The following RASAL2 variants were observed in gnomAD, a reference collection of about 807,000 sequenced individuals.
RASAL2 encodes RAS protein activator like 2.
Under a neutral mutation model 128.9 loss-of-function variants are expected in RASAL2, and 58 were observed. The ratio of observed to expected loss-of-function variants is 0.45; its 90% confidence interval spans 0.36 to 0.56. The LOEUF is 0.56. RASAL2 is among the 20% of genes least tolerant of loss of function. The pLI is 0.00. For synonymous variants in RASAL2, 561 were observed against 580.8 expected (o/e 0.97, Z 0.49); for missense variants, 1,360 against 1,601.6 (o/e 0.85, Z 2.57).
chr1:178,373,274 C>CTTTTTTTTTTTTTTTT (rs60835442), intron 3 of RASAL2, among the ~76,000 whole-genome samples: 3,099 of 58,260 alleles, frequency 0.053, 374 homozygotes, highest in East Asian at 0.07. Context: ...TGTTTCTTTC[C>CTTTTTTTTTTTTTTTT]TTTTTTTTTT....
intron 1 of RASAL2, among the ~76,000 whole-genome samples, chr1:178,096,942 G>GAAAACTTTGAAGTA (rs1270762230): frequency 6.6e-6 from 1 of 152,138 alleles, no homozygotes; most frequent in Non-Finnish European, 1.5e-5. Context: ...GTGTATGTTT[G>GAAAACTTTGAAGTA]AAAACTTTGA....
In RASAL2 at chr1:178,473,405, G is replaced by A; in HGVS notation, c.*166G>A. 1 of 835,166 alleles carries A rather than the reference G, an allele frequency of 1.2e-6. No individual in the cohort carries two copies. The highest frequency in any genetic ancestry group is 2.7e-5 in the East Asian group (1 of 37,324). The allele number at this position is 835,166 out of a possible 1,614,324, so 51.7% of individuals were successfully genotyped here. A position where few individuals can be genotyped will look rare whatever the true frequency, so the allele number is the denominator to read the frequency against. On this transcript the variant is annotated 3_prime_UTR_variant, in exon 18 of 18. Transcript: ENST00000367649. ...ACCTTGTCTTTCAGGGCATAAGGCGGCGACTTCCAAGGTCAATGCTTTTCC... is the reference window on the plus strand; with the variant it reads ...ACCTTGTCTTTCAGGGCATAAGGCGACGACTTCCAAGGTCAATGCTTTTCC...
intron 1 of RASAL2, among the ~76,000 whole-genome samples, chr1:178,146,997 C>T (rs936066796): frequency 2.6e-5 from 4 of 152,166 alleles, no homozygotes; most frequent in Admixed American, 1.3e-4. Context: ...CTGTTTCTCT[C>T]TTAAGACTGG....
intron 3 of RASAL2, among the ~76,000 whole-genome samples, chr1:178,352,409 T>A (rs915286841): frequency 3.9e-5 from 6 of 152,194 alleles, no homozygotes; most frequent in African/African-American, 1.4e-4. Context: ...TTGACTCCAT[T>A]TCCTACATCC....
chr1:178,430,461 G>A (rs778362905), intron 5 of RASAL2, among the ~76,000 whole-genome samples: 4 of 152,016 alleles, frequency 2.6e-5, no homozygotes, highest in Non-Finnish European at 5.9e-5. Flanking sequence ...TATTCTTCCA[G>A]TGAAGAGTGT....
chr1:178,333,597 A>G (rs1301009961), intron 3 of RASAL2, among the ~76,000 whole-genome samples: 1 of 152,198 alleles, frequency 6.6e-6, no homozygotes, highest in Non-Finnish European at 1.5e-5. Context: ...TAAGACCAGC[A>G]TGTTAGATAC....
At chr1:178,415,703 A>G (rs1193805322) in intron 4 of RASAL2, among the ~76,000 whole-genome samples, 2 of 152,106 alleles carry the variant, frequency 1.3e-5, no homozygotes, top group Non-Finnish European at 2.9e-5. Context: ...TGTTTCTCCT[A>G]GCAACTCTTA....
rs60835442 is a variant in RASAL2, at chr1:178,373,274, C to CTTTTTTTTTTTTTTTTTTTTTTTTT, written c.458-16811_458-16810insTTTTTTTTTTTTTTTTTTTTTTTTT. Among the ~76,000 whole-genome samples the CTTTTTTTTTTTTTTTTTTTTTTTTT allele has an allele frequency of 1.6e-3, 97 of 60,028 alleles. 14 individuals are homozygous for CTTTTTTTTTTTTTTTTTTTTTTTTT. Among genetic ancestry groups the CTTTTTTTTTTTTTTTTTTTTTTTTT allele is most frequent in the African/African-American group, 3.4e-3 (46 of 13,458 alleles). 39.4% of individuals were successfully genotyped at this position (60,028 alleles called of 152,430 possible). A position where few individuals can be genotyped will look rare whatever the true frequency, so the allele number is the denominator to read the frequency against. On this transcript the variant is annotated intron_variant, in intron 3 of 17. Coordinates refer to ENST00000367649, the MANE Select transcript of RASAL2 (RefSeq NM_170692.4). ...TCAATCTTAGCATTCTGTTTCTTTC[C>CTTTTTTTTTTTTTTTTTTTTTTTTT]TTTTTTTTTTTTTTTGCAGTTTAGA...
chr1:178,349,258 T>A (rs866428663), intron 3 of RASAL2, among the ~76,000 whole-genome samples: 1,851 of 110,826 alleles, frequency 0.017, 50 homozygotes, highest in African/African-American at 0.057. Flanking sequence ...GTCTCTACTT[T>A]AAAAAAAAAA....
At chr1:178,169,983 T>A (rs1162332688) in intron 1 of RASAL2, among the ~76,000 whole-genome samples, 1 of 152,038 alleles carries the variant, frequency 6.6e-6, no homozygotes, top group Non-Finnish European at 1.5e-5. Context: ...AATACATTTA[T>A]TTCCACTTAA....
chr1:178,249,106 T>G (rs1158547180), intron 1 of RASAL2, among the ~76,000 whole-genome samples: 1 of 152,170 alleles, frequency 6.6e-6, no homozygotes, highest in Non-Finnish European at 1.5e-5. Flanking sequence ...GTTGGGGAAG[T>G]TCTCCTGGAT....
rs1374180896 is a variant in RASAL2, at chr1:178,346,424, GAAAGA to G, written c.458-43663_458-43659del. Among the ~76,000 whole-genome samples, 107 of 151,304 alleles carry G rather than the reference GAAAGA, an allele frequency of 7.1e-4. 1 individual carries two copies. The highest frequency in any genetic ancestry group is 2.3e-3 in the African/African-American group (96 of 41,312). ...TCTTTAAAAAAAAAAAAGAAAGAAA[GAAAGA>G]AAAGAAAAGAAATCGCTATATACAT... is the stretch of plus-strand genomic sequence containing the variant. On this transcript the variant is annotated intron_variant, in intron 3 of 17. Coordinates refer to ENST00000367649, the MANE Select transcript of RASAL2 (RefSeq NM_170692.4).
At position 178,306,339 on chromosome 1, in the gene RASAL2, A is replaced by G. The variant is rs538937896; in HGVS notation, c.457+6221A>G. On this transcript the variant is annotated intron_variant, in intron 3 of 17. Coordinates refer to ENST00000367649, the MANE Select transcript of RASAL2 (RefSeq NM_170692.4). ...TGGTTCCAAGTCTTTGCTATTGTGAATAGTGCCGCAATAAACATATGTATG... is the reference window on the plus strand; with the variant it reads ...TGGTTCCAAGTCTTTGCTATTGTGAGTAGTGCCGCAATAAACATATGTATG... 7.9e-5 allele frequency among the ~76,000 whole-genome samples: 12 copies of G among 152,226 alleles called. No individual in the cohort carries two copies. In the South Asian group the frequency reaches 2.3e-3, roughly 29 times the overall value.
chr1:178,449,102 C>A (rs977871458), intron 9 of RASAL2, among the ~76,000 whole-genome samples: 1 of 152,106 alleles, frequency 6.6e-6, no homozygotes, highest in Non-Finnish European at 1.5e-5. Flanking sequence ...GATGCTGTTT[C>A]CAGACTGCTT....
At chr1:178,357,463 A>G (rs1210394394) in intron 3 of RASAL2, among the ~76,000 whole-genome samples, 8 of 151,930 alleles carry the variant, frequency 5.3e-5, no homozygotes, top group Admixed American at 2.0e-4. Flanking sequence ...TTCTATATCA[A>G]TGTCACAGTA....
intron 5 of RASAL2, among the ~76,000 whole-genome samples, chr1:178,435,516 G>A (rs1204364309): frequency 6.6e-6 from 1 of 152,074 alleles, no homozygotes; most frequent in Non-Finnish European, 1.5e-5. Flanking sequence ...TCACTTTAGT[G>A]AGTAATAGAA....
rs565253786 is a variant in RASAL2, at chr1:178,349,733, A to G, written c.458-40367A>G. Among the ~76,000 whole-genome samples, 7 of 152,298 alleles carry G rather than the reference A, an allele frequency of 4.6e-5. No homozygotes were observed. In the South Asian group the frequency reaches 1.4e-3, roughly 32 times the overall value. On this transcript the variant is annotated intron_variant, in intron 3 of 17. Transcript: ENST00000367649. ...ATATAGTTACTAAAGAGTTGATGAT[A>G]CAAATTTAATAAGAATTTTCCATAC...
At chr1:178,337,799 T>C (rs1296642383) in intron 3 of RASAL2, among the ~76,000 whole-genome samples, 1 of 151,900 alleles carries the variant, frequency 6.6e-6, no homozygotes, top group Non-Finnish European at 1.5e-5. Context: ...TGGCGCAATC[T>C]CAGCTCACTG....
intron 4 of RASAL2, among the ~76,000 whole-genome samples, chr1:178,397,485 G>T (rs1673311375): frequency 6.6e-6 from 1 of 152,184 alleles, no homozygotes; most frequent in Non-Finnish European, 1.5e-5. Flanking sequence ...GGAGAAATGG[G>T]AAGTGACTGC....
Sources: gnomAD v4.1 joint callset for allele counts (sites outside exome capture counted in the v4.1 genomes callset) on GRCh38, gnomAD v4.1.1 for gene constraint, MANE v1.5 for transcripts, NCBI Gene and HGNC (gene_info 2026-07-23, HGNC 2026-07-21) for gene names.